The following MUCL1 variants were observed in gnomAD, a reference collection of about 807,000 sequenced individuals.
MUCL1 encodes mucin like 1.
MUCL1 carries 11 observed loss-of-function variants against 9.2 expected under a neutral mutation model. The observed-to-expected ratio is 1.19, with a 90% CI of 0.75 to 1.97. MUCL1 has a LOEUF of 1.97. Ranked by LOEUF, MUCL1 falls within the 30% of genes most tolerant of loss-of-function variation. The pLI is 0.00. For synonymous variants in MUCL1, 48 were observed against 40.5 expected (o/e 1.19, Z -0.71); for missense variants, 144 against 110.9 (o/e 1.30, Z -1.34).
chr12:54,832,219 C>T (rs1013984677), intron 1 of MUCL1, among the ~76,000 whole-genome samples: 4 of 152,060 alleles, frequency 2.6e-5, no homozygotes, highest in Non-Finnish European at 4.4e-5. Context: ...TTTGTTTACA[C>T]ATTTAAAAAT....
upstream of MUCL1, among the ~76,000 whole-genome samples, chr12:54,850,727 A>G (rs1414215968): frequency 6.6e-6 from 1 of 152,198 alleles, no homozygotes; most frequent in Non-Finnish European, 1.5e-5. Context: ...TCCTTGAGGA[A>G]TTGCCACACT....
intron 1 of MUCL1, among the ~76,000 whole-genome samples, chr12:54,842,069 C>A (rs1308103053): frequency 6.6e-6 from 1 of 152,010 alleles, no homozygotes; most frequent in Non-Finnish European, 1.5e-5. Context: ...AACAAATTCC[C>A]TACAATTTAT....
At chr12:54,842,297 TA>T (rs1342093052) in intron 1 of MUCL1, among the ~76,000 whole-genome samples, 2 of 152,018 alleles carry the variant, frequency 1.3e-5, no homozygotes, top group African/African-American at 4.8e-5. Context: ...TATATATATA[TA>T]AATACAATTT....
At chr12:54,853,542 G>A (rs1417322293), upstream of MUCL1, among the ~76,000 whole-genome samples, 1 of 152,128 alleles carries the variant, frequency 6.6e-6, no homozygotes, top group Non-Finnish European at 1.5e-5. Flanking sequence ...CCACGTTGTT[G>A]ATTCCTCAGC....
intron 1 of MUCL1, among the ~76,000 whole-genome samples, chr12:54,831,691 G>A (rs1959185626): frequency 6.6e-6 from 1 of 151,980 alleles, no homozygotes. Flanking sequence ...ATAAGTTTAA[G>A]TTTATATATT....
chr12:54,838,291 A>G (rs1320296745), upstream of MUCL1, among the ~76,000 whole-genome samples: 1 of 152,198 alleles, frequency 6.6e-6, no homozygotes, highest in Non-Finnish European at 1.5e-5. Flanking sequence ...TTCTGCTGAG[A>G]AGTCTGCTGT....
chr12:54,847,185 ACTCTCATGT>A (rs1177385742), intron 1 of MUCL1, among the ~76,000 whole-genome samples: 1 of 151,762 alleles, frequency 6.6e-6, no homozygotes, highest in East Asian at 1.9e-4. Flanking sequence ...CCTCTAGTTA[ACTCTCATGT>A]ATCAAGAAGT....
chr12:54,854,254 C>T (rs1048766254), upstream of MUCL1, among the ~76,000 whole-genome samples: 2 of 152,184 alleles, frequency 1.3e-5, no homozygotes, highest in African/African-American at 4.8e-5. Flanking sequence ...ATTATGGAGA[C>T]ACTATACCCT....
chr12:54,846,988 C>A (rs954598669), intron 1 of MUCL1, among the ~76,000 whole-genome samples: 4 of 152,152 alleles, frequency 2.6e-5, no homozygotes, highest in Non-Finnish European at 4.4e-5. Flanking sequence ...TCCTGCCTGC[C>A]TACCCTTTCA....
upstream of MUCL1, among the ~76,000 whole-genome samples, chr12:54,852,884 T>G (rs969212779): frequency 2.6e-5 from 4 of 152,192 alleles, no homozygotes; most frequent in Admixed American, 2.6e-4. Flanking sequence ...TCCTTCAGAA[T>G]ATGTGTTTTT....
At chr12:54,846,426 C>T (rs10783678) in intron 1 of MUCL1, among the ~76,000 whole-genome samples, 68,855 of 152,086 alleles carry the variant, frequency 0.45, 16,564 homozygotes, top group East Asian at 0.84. Context: ...ATCAGGGAAC[C>T]CTCCCATTTC....
upstream of MUCL1, among the ~76,000 whole-genome samples, chr12:54,836,009 C>A (rs911295929): frequency 6.6e-6 from 1 of 152,126 alleles, no homozygotes; most frequent in African/African-American, 2.4e-5. Flanking sequence ...ACTTTTGCAT[C>A]TGTGTTCATC....
chr12:54,833,611 A>T (rs557850216), intron 1 of MUCL1, among the ~76,000 whole-genome samples: 3 of 152,114 alleles, frequency 2.0e-5, no homozygotes, highest in Non-Finnish European at 4.4e-5. Flanking sequence ...TTTTCTAAGG[A>T]ATTTATACAC....
chr12:54,833,821 T>C (rs1370061066), intron 1 of MUCL1, among the ~76,000 whole-genome samples: 1 of 30,548 alleles, frequency 3.3e-5, no homozygotes, highest in Admixed American at 4.2e-4. Context: ...GGGACTGTTG[T>C]GGGGTTGGGG....
chr12:54,846,928 T>G (rs1959265327), intron 1 of MUCL1, among the ~76,000 whole-genome samples: 1 of 152,226 alleles, frequency 6.6e-6, no homozygotes, highest in Admixed American at 6.5e-5. Context: ...AAAACATTCC[T>G]GTACCTAAAC....
intron 1 of MUCL1, among the ~76,000 whole-genome samples, chr12:54,841,633 A>G (rs1454125445): frequency 6.6e-6 from 1 of 152,082 alleles, no homozygotes; most frequent in Non-Finnish European, 1.5e-5. Context: ...GGCTATGTGT[A>G]TGTGTTCTTT....
upstream of MUCL1, among the ~76,000 whole-genome samples, chr12:54,851,660 G>A (rs1483795422): frequency 1.3e-5 from 2 of 152,192 alleles, no homozygotes; most frequent in Non-Finnish European, 2.9e-5. Flanking sequence ...TCTGGCCAGG[G>A]CGATCAGGCA....
At chr12:54,831,662 A>T (rs1032831006) in intron 1 of MUCL1, among the ~76,000 whole-genome samples, 4 of 152,100 alleles carry the variant, frequency 2.6e-5, no homozygotes, top group Non-Finnish European at 5.9e-5. Flanking sequence ...AAGATAAAAT[A>T]CTGAAACAAT....
At chr12:54,842,512 C>G (rs1959217276) in intron 1 of MUCL1, among the ~76,000 whole-genome samples, 1 of 151,896 alleles carries the variant, frequency 6.6e-6, no homozygotes, top group Non-Finnish European at 1.5e-5. Context: ...TAATGAGAAC[C>G]CTTAAAATAT....
Sources: allele counts gnomAD v4.1 joint callset (sites outside exome capture counted in the v4.1 genomes callset), GRCh38; gene constraint gnomAD v4.1.1; transcripts MANE v1.5; gene names NCBI Gene and HGNC (gene_info 2026-07-23, HGNC 2026-07-21).